PIEZO1: variants seen among roughly 807,000 people sequenced by gnomAD.
The protein encoded by PIEZO1 is piezo type mechanosensitive ion channel component 1 (Er blood group).
PIEZO1 carries 296 observed loss-of-function variants against 297.2 expected under a neutral mutation model. The ratio of observed to expected loss-of-function variants is 1.00; its 90% CI spans 0.91 to 1.10. The LOEUF (loss-of-function observed/expected upper bound fraction) is 1.10. PIEZO1 is among the 50% of genes least tolerant of loss of function. The pLI, the probability that PIEZO1 is intolerant of heterozygous loss-of-function variation, is 0.00. For missense variants in PIEZO1, 5,018 were observed against 3,455.5 expected (o/e 1.45, Z -11.34); for synonymous variants, 2,427 against 1,507.5 (o/e 1.61, Z -14.13).
intron 1 of PIEZO1, among the ~76,000 whole-genome samples, chr16:88,777,063 C>T (rs1597489866): frequency 1.3e-5 from 2 of 151,164 alleles, no homozygotes; most frequent in East Asian, 3.9e-4. Flanking sequence ...AACTCCGTCT[C>T]CCGGATTCAA....
At position 88,735,265 on chromosome 16, in the gene PIEZO1, G is replaced by C. The variant is rs1259165449; in HGVS notation, c.1558-19C>G. On this transcript the variant is annotated intron_variant, in intron 12 of 50. Coordinates refer to ENST00000301015, the MANE Select transcript of PIEZO1 (RefSeq NM_001142864.4). Reference sequence around the variant, plus strand: ...AGAGCAACTGTGACAAGCGCAGGGTGTCACAGTCAGCCGGGGGGCCCAGCA... The same window carrying C: ...AGAGCAACTGTGACAAGCGCAGGGTCTCACAGTCAGCCGGGGGGCCCAGCA... The C allele has an allele frequency of 1.3e-6, 2 of 1,519,568 alleles. No individual in the cohort carries two copies. The highest frequency in any genetic ancestry group is 2.8e-5 in the African/African-American group (2 of 72,410). 94.1% of individuals were successfully genotyped at this position (1,519,568 alleles called of 1,614,324 possible).
intron 27 of PIEZO1, 181 bp from the exon 28 acceptor site, chr16:88,725,865 C>G: frequency 3.3e-6 from 2 of 603,944 alleles, no homozygotes; most frequent in Non-Finnish European, 6.0e-6. Context: ...GCGGCGAGGA[C>G]AGGCCCTTCT....
chr16:88,725,604 A>C lies in PIEZO1; in HGVS notation c.4049T>G (p.Leu1350Arg). The C allele has an allele frequency of 6.5e-7, 1 of 1,548,342 alleles. No homozygotes were observed. The highest frequency in any genetic ancestry group is 2.4e-5 in the East Asian group (1 of 40,888). Residue 1350 changes from leucine (L) to arginine (R), a missense_variant, in exon 28 of 51, where the codon CTG (leucine) becomes CGG (arginine). Coordinates refer to ENST00000301015, the MANE Select transcript of PIEZO1 (RefSeq NM_001142864.4). ...CCCCAGAGGCACCTACTGTCTTTTC[A>C]GCTGGGCCAGGGACTTCTCCTCTAT... Reference protein sequence around the residue: ...RRIEEKSLAQLKRQMERIRAK... With the variant: ...RRIEEKSLAQRKRQMERIRAK...
intron 2 of PIEZO1, among the ~76,000 whole-genome samples, chr16:88,744,648 T>C (rs1317624064): frequency 6.7e-6 from 1 of 149,808 alleles, no homozygotes; most frequent in East Asian, 2.0e-4. Flanking sequence ...ATTGTCTTCC[T>C]CCCTCCCCTT....
Position 88,732,666 on chromosome 16 carries a change from CG to C in PIEZO1, c.2730del (p.Val911TrpfsTer91). 6.5e-7 allele frequency: 1 copy of C among 1,549,666 alleles called. No homozygotes were observed. Among genetic ancestry groups the C allele is most frequent in the Non-Finnish European group, 8.7e-7 (1 of 1,146,510 alleles). Reference protein sequence around the residue: ...EISQSLLYRGPVDPANWFGVR... With the variant: ...EISQSLLYRGXVDPANWFGVR... The stretch of plus-strand genomic sequence containing the variant: ...ACCCCAAACCAGTTGGCAGGGTCCA[CG>C]GGCCCCCGGTACAGCAGGGACTGGC... On this transcript the variant is annotated frameshift_variant, in exon 20 of 51. Coordinates refer to ENST00000301015, the MANE Select transcript of PIEZO1 (RefSeq NM_001142864.4). LOFTEE classifies it high-confidence loss of function.
In PIEZO1 at chr16:88,738,077, G is replaced by A; in HGVS notation, c.877C>T (p.Pro293Ser). Residue 293 changes from proline to serine, a missense_variant, in exon 8 of 51, where the codon CCC becomes TCC. Pro to Ser is a moderately conservative substitution (Grantham distance 74). Coordinates refer to ENST00000301015, the MANE Select transcript of PIEZO1 (RefSeq NM_001142864.4). Reference protein sequence around the residue: ...RVLGLKDFVGPTNCSSPHALV... With the variant: ...RVLGLKDFVGSTNCSSPHALV... ...GCGTGGGGGCTGGAGCAGTTGGTGG[G>A]ACCCACGAAGTCCTTGAGACCCAGC... is the stretch of plus-strand genomic sequence containing the variant. 1 of 1,535,838 alleles carries A rather than the reference G, an allele frequency of 6.5e-7. No homozygotes were observed. The highest frequency in any genetic ancestry group is 1.7e-4 in the Middle Eastern group (1 of 5,990).
At chr16:88,743,525 TCAC>T (rs747585182) in intron 2 of PIEZO1, 15 of 456,338 alleles carry the variant, frequency 3.3e-5, no homozygotes, top group African/African-American at 1.4e-4. Flanking sequence ...GTGGTGAATG[TCAC>T]CACCACATCT....
chr16:88,746,249 G>A (rs1597469041), intron 2 of PIEZO1, among the ~76,000 whole-genome samples: 3 of 152,186 alleles, frequency 2.0e-5, no homozygotes, highest in Admixed American at 2.0e-4. Context: ...AGTGAAGCTG[G>A]AGAGGGTGGC....
rs114231479 is a variant in PIEZO1 at position 88,720,006 on chromosome 16, G to A, written c.6165-46C>T. On this transcript the variant is annotated intron_variant, in intron 42 of 50. Coordinates refer to ENST00000301015, the MANE Select transcript of PIEZO1 (RefSeq NM_001142864.4). ...CAAGGACCCCATCAGAAACAGCCCC[G>A]CAGGGCCCCCAGCCTGCACTGCCCC... The A allele has an allele frequency of 1.7e-3, 2,660 of 1,548,892 alleles. 46 individuals carry two copies. The African/African-American group carries it at 0.032, about 18-fold the overall frequency.
intron 2 of PIEZO1, among the ~76,000 whole-genome samples, chr16:88,746,900 A>G (rs942185161): frequency 2.0e-5 from 3 of 152,234 alleles, no homozygotes; most frequent in African/African-American, 7.2e-5. Flanking sequence ...AACCGGCTCC[A>G]CAGAGCAAAG....
rs4401037 is a variant in PIEZO1 at position 88,720,559 on chromosome 16, C to T, written c.5802-27G>A. 0.9 allele frequency: 1,384,684 copies of T among 1,546,480 alleles called. 620,503 individuals are homozygous for T. The highest frequency in any genetic ancestry group is 0.95 in the African/African-American group (69,311 of 72,880). On this transcript the variant is annotated intron_variant, in intron 40 of 50. Transcript: ENST00000301015. Reference sequence around the variant, plus strand: ...TGCGGAAGGGGGCGCTCAGCCTGGGCCCAGTACCCGCCTCCCCACCCCCAC... The same window carrying T: ...TGCGGAAGGGGGCGCTCAGCCTGGGTCCAGTACCCGCCTCCCCACCCCCAC...
chr16:88,727,964 G>C (rs981207215), intron 22 of PIEZO1: 6 of 236,822 alleles, frequency 2.5e-5, no homozygotes, highest in Middle Eastern at 1.3e-3. Flanking sequence ...TGATAGGACA[G>C]TGCGTGTGAT....
intron 1 of PIEZO1, among the ~76,000 whole-genome samples, chr16:88,757,043 T>C (rs574932622): frequency 2.0e-5 from 3 of 152,186 alleles, no homozygotes; most frequent in East Asian, 3.9e-4. Flanking sequence ...GACACTGCAC[T>C]CCAGCCTGGG....
chr16:88,721,492 A>G, intron 38 of PIEZO1, 46 bp downstream of exon 38: 1 of 1,538,674 alleles, frequency 6.5e-7, no homozygotes, highest in Non-Finnish European at 8.8e-7. Context: ...ACAGGTGCCC[A>G]GAGGGCCTGC....
chr16:88,743,417 C>T (rs1456040592), intron 2 of PIEZO1: 2 of 439,540 alleles, frequency 4.6e-6, no homozygotes, highest in East Asian at 7.1e-5. Flanking sequence ...TCCTGCACCA[C>T]CAGCCACGCC....
intron 1 of PIEZO1, among the ~76,000 whole-genome samples, chr16:88,753,471 C>T (rs1196528743): frequency 1.3e-5 from 2 of 151,776 alleles, no homozygotes; most frequent in African/African-American, 2.4e-5. Flanking sequence ...GAGAAGGGGG[C>T]TCAGGGTCAC....
chr16:88,734,635 C>T lies in PIEZO1; in HGVS notation c.1997+15G>A. The T allele has an allele frequency of 2.6e-6, 4 of 1,550,142 alleles. No individual in the cohort carries two copies. The highest frequency in any genetic ancestry group is 3.5e-6 in the Non-Finnish European group (4 of 1,146,858). On this transcript the variant is annotated intron_variant, in intron 15 of 50. Transcript: ENST00000301015. ...GTTTCGGCGCCCCTGCCCCACCGCC[C>T]CAGCCTGGACTCACTGCTCGTCGGT...
Position 88,716,613 on chromosome 16 carries a change from T to C in PIEZO1, c.6872A>G (p.Glu2291Gly). The C allele has an allele frequency of 1.3e-6, 2 of 1,549,886 alleles. No individual in the cohort carries two copies. The highest frequency in any genetic ancestry group is 1.7e-6 in the Non-Finnish European group (2 of 1,146,842). ...SPPSRAQMKR[E>G]LYNGTADITL... ...GATGTCGGCCGTGCCGTTGTAGAGC[T>C]CCCGCTTCATCTGGGCACGGCTGGG... The change falls in exon 47 of 51, where the codon GAG becomes GGG. Residue 2291 changes from glutamate to glycine, a missense_variant. Transcript: ENST00000301015.
intron 48 of PIEZO1, 41 bp from the exon 49 acceptor site, chr16:88,716,318 C>G: frequency 6.7e-7 from 1 of 1,498,178 alleles, no homozygotes; most frequent in Non-Finnish European, 8.9e-7. Flanking sequence ...GCCCAGCCAA[C>G]CTGGCACAGC....
Sources: gnomAD v4.1 joint callset for allele counts (sites outside exome capture counted in the v4.1 genomes callset) on GRCh38, gnomAD v4.1.1 for gene constraint, MANE v1.5 for transcripts, NCBI Gene and HGNC (gene_info 2026-07-23, HGNC 2026-07-21) for gene names.